Variants in PHF21A observed in about 807,000 individuals in gnomAD.
PHF21A encodes BHC80a.
PHF21A carries 11 observed loss-of-function variants against 82.5 expected under a neutral mutation model. That is an observed-to-expected ratio of 0.13 (90% confidence interval 0.08 to 0.22). The LOEUF (loss-of-function observed/expected upper bound fraction) is 0.22. Among genes scored for constraint, PHF21A ranks in the 10% least tolerant of loss-of-function variants. The probability of loss-of-function intolerance (pLI) is 1.00; values close to 1 mark genes in which losing one functional copy is unlikely to be tolerated. For missense variants in PHF21A, 579 were observed against 837.8 expected, an observed-to-expected ratio of 0.69 and a Z score of 3.81; for synonymous variants, 297 against 302.8, an observed-to-expected ratio of 0.98 and a Z score of 0.20.
At chr11:46,099,835 C>T (rs1238475792) in intron 1 of PHF21A, among the ~76,000 whole-genome samples, 1 of 152,102 alleles carries the variant, frequency 6.6e-6, no homozygotes, top group Non-Finnish European at 1.5e-5. Flanking sequence ...ATTAGAATCT[C>T]TTCTCTCTGA....
chr11:46,038,891 G>T (rs538557744), intron 6 of PHF21A, among the ~76,000 whole-genome samples: 2 of 152,140 alleles, frequency 1.3e-5, no homozygotes, highest in South Asian at 4.1e-4. Flanking sequence ...CCACATTGGG[G>T]ATTAAGTTTC....
At chr11:46,034,442 G>A (rs2095944548) in intron 6 of PHF21A, among the ~76,000 whole-genome samples, 3 of 152,016 alleles carry the variant, frequency 2.0e-5, no homozygotes, top group Admixed American at 2.0e-4. Flanking sequence ...GTCCTTTCCT[G>A]TATGGTTTCT....
intron 1 of PHF21A, among the ~76,000 whole-genome samples, chr11:46,096,317 C>T (rs1210106932): frequency 1.3e-5 from 2 of 151,776 alleles, no homozygotes; most frequent in Non-Finnish European, 2.9e-5. Flanking sequence ...GACTCCATAT[C>T]CTTCTCTAGT....
In PHF21A at chr11:45,977,206, G is replaced by T. The variant is rs571675750; in HGVS notation, c.360+2554C>A. ...CCAGCATGGAGTGCAGTACGATCTCGGCTCACTGGAACCTCTGTTGCCCGG... is the reference window on the plus strand; with the variant it reads ...CCAGCATGGAGTGCAGTACGATCTCTGCTCACTGGAACCTCTGTTGCCCGG... On this transcript the variant is annotated intron_variant, in intron 7 of 18. Transcript: ENST00000676320. 2.7e-5 allele frequency among the ~76,000 whole-genome samples: 4 copies of T among 147,782 alleles called. No homozygotes were observed. The East Asian group carries it at 8.0e-4, about 30-fold the overall frequency.
At chr11:46,078,331 G>A (rs1029211469) in intron 5 of PHF21A, among the ~76,000 whole-genome samples, 2 of 152,108 alleles carry the variant, frequency 1.3e-5, no homozygotes, top group African/African-American at 4.8e-5. Flanking sequence ...ACTTTACAGT[G>A]AAGCCTGTAT....
intron 18 of PHF21A, chr11:45,935,154 C>A: frequency 7.8e-6 from 10 of 1,289,572 alleles, no homozygotes; most frequent in Non-Finnish European, 1.0e-5. Flanking sequence ...CCCGCTTCCT[C>A]ACACTGGTCA....
chr11:46,086,351 C>G (rs1418092290), intron 3 of PHF21A, among the ~76,000 whole-genome samples: 2 of 152,142 alleles, frequency 1.3e-5, no homozygotes, highest in Non-Finnish European at 2.9e-5. Context: ...GATCTCCTGA[C>G]CTCGTGATCC....
At chr11:45,973,554 T>C (rs548645527) in intron 7 of PHF21A, among the ~76,000 whole-genome samples, 39 of 152,344 alleles carry the variant, frequency 2.6e-4, no homozygotes, top group Non-Finnish European at 4.6e-4. Flanking sequence ...CGCGGAACAC[T>C]GATATTTATT....
chr11:46,092,193 G>A lies in PHF21A; in HGVS notation c.-206C>T, dbSNP rs2096933644. The A allele has an allele frequency of 6.6e-6, 1 of 151,996 alleles. No homozygotes were observed. Among genetic ancestry groups the A allele is most frequent in the African/African-American group, 2.4e-5 (1 of 41,378 alleles). The allele number at this position is 151,996 out of a possible 1,614,324, so 9.4% of individuals were successfully genotyped here. On this transcript the variant is annotated 5_prime_UTR_variant, in exon 2 of 19. Coordinates refer to ENST00000676320, the MANE Select transcript of PHF21A (RefSeq NM_001352027.3). Reference sequence around the variant, plus strand: ...AGTCAAAGTACTTACCAATTTTGGGGAAACTGGCTCTCCTTCAGCTCTCTA... The same window carrying A: ...AGTCAAAGTACTTACCAATTTTGGGAAAACTGGCTCTCCTTCAGCTCTCTA...
At chr11:46,039,658 G>C (rs566388451) in intron 6 of PHF21A, among the ~76,000 whole-genome samples, 4 of 152,098 alleles carry the variant, frequency 2.6e-5, no homozygotes, top group Non-Finnish European at 4.4e-5. Flanking sequence ...TTAGATCTAC[G>C]AAGGCTGAAT....
chr11:45,946,218 G>A, intron 14 of PHF21A: 1 of 1,020,408 alleles, frequency 9.8e-7, no homozygotes, highest in South Asian at 1.4e-5. Context: ...CAAGAGAAGG[G>A]AGGATAAGAG....
At chr11:46,109,795 A>C (rs1220592011) in intron 1 of PHF21A, among the ~76,000 whole-genome samples, 2 of 152,136 alleles carry the variant, frequency 1.3e-5, no homozygotes, top group African/African-American at 4.8e-5. Flanking sequence ...CAGTCTACCC[A>C]ACATGGTGAA....
At chr11:45,999,883 G>C (rs1202844726) in intron 6 of PHF21A, among the ~76,000 whole-genome samples, 1 of 152,182 alleles carries the variant, frequency 6.6e-6, no homozygotes, top group Non-Finnish European at 1.5e-5. Context: ...TGAGGATGAG[G>C]CATAGCAGTG....
chr11:45,941,286 A>C (rs1008731304), intron 15 of PHF21A, among the ~76,000 whole-genome samples: 3 of 152,096 alleles, frequency 2.0e-5, no homozygotes, highest in African/African-American at 7.2e-5. Flanking sequence ...TTTTGTAGAG[A>C]TGGGGGTCTC....
intron 6 of PHF21A, among the ~76,000 whole-genome samples, chr11:46,000,547 A>G (rs1171930240): frequency 2.0e-5 from 3 of 152,256 alleles, no homozygotes; most frequent in Non-Finnish European, 2.9e-5. Context: ...TTGTAAAGAC[A>G]CTTAAAATTG....
At chr11:46,039,242 C>T (rs1012563041) in intron 6 of PHF21A, among the ~76,000 whole-genome samples, 2 of 152,146 alleles carry the variant, frequency 1.3e-5, no homozygotes, top group Admixed American at 6.5e-5. Flanking sequence ...TTCGTGCATT[C>T]GCTGTTTTAG....
chr11:45,999,582 T>C (rs544338775), intron 6 of PHF21A, among the ~76,000 whole-genome samples: 1 of 152,294 alleles, frequency 6.6e-6, no homozygotes, highest in Admixed American at 6.5e-5. Context: ...TTTAAAAATA[T>C]ATCTATAGAG....
rs2095103974 is a variant in PHF21A at position 46,000,924 on chromosome 11, A to AAAAAAAAT, written c.154-20959_154-20958insATTTTTTT. Among the ~76,000 whole-genome samples, 12 of 151,782 alleles carry AAAAAAAAT rather than the reference A, an allele frequency of 7.9e-5. No individual in the cohort carries two copies. In the South Asian group the frequency reaches 2.3e-3, roughly 29 times the overall value. On this transcript the variant is annotated intron_variant, in intron 6 of 18. Coordinates refer to ENST00000676320, the MANE Select transcript of PHF21A (RefSeq NM_001352027.3). ...AACAAAAGTGAACCTCCGTCTCAAA[A>AAAAAAAAT]AAATAAATAAATAAATAAATAAATA...
rs997890367 is a variant in PHF21A at position 46,036,584 on chromosome 11, T to C, written c.153+40170A>G. Among the ~76,000 whole-genome samples the C allele has an allele frequency of 3.3e-5, 5 of 152,212 alleles. No individual in the cohort carries two copies. The East Asian group carries it at 9.6e-4, about 29-fold the overall frequency. ...CTTCATTTATTTAAACTCTTTTATG[T>C]CCCTAAGTAAAAGTAAAGGTACAGG... On this transcript the variant is annotated intron_variant, in intron 6 of 18. Coordinates refer to ENST00000676320, the MANE Select transcript of PHF21A (RefSeq NM_001352027.3).
Sources: allele counts gnomAD v4.1 joint callset (sites outside exome capture counted in the v4.1 genomes callset), GRCh38; gene constraint gnomAD v4.1.1; transcripts MANE v1.5; gene names NCBI Gene and HGNC (gene_info 2026-07-23, HGNC 2026-07-21).